The following RNF216 variants were observed in gnomAD, a reference collection of about 807,000 sequenced individuals.
The protein encoded by RNF216 is ring finger protein 216.
A neutral mutation model predicts 110.8 loss-of-function variants in RNF216; 72 were observed. The observed-to-expected ratio is 0.65, with a 90% CI of 0.54 to 0.79. The LOEUF is 0.79. Among genes scored for constraint, RNF216 ranks in the 30% least tolerant of loss-of-function variants. RNF216 has a pLI of 0.00. For synonymous variants in RNF216, 495 were observed against 407.5 expected, an observed-to-expected ratio of 1.21 and a Z score of -2.59; for missense variants, 1,342 against 1,141.2, an observed-to-expected ratio of 1.18 and a Z score of -2.54.
At chr7:5,630,344 T>TTC (rs1321473067) in intron 15 of RNF216, among the ~76,000 whole-genome samples, 1 of 152,082 alleles carries the variant, frequency 6.6e-6, no homozygotes, top group Non-Finnish European at 1.5e-5. Flanking sequence ...ACCCACTCCT[T>TTC]TCCAAAACAG....
rs1786340952 is a variant in RNF216 at position 5,621,235 on chromosome 7, C to T, written c.*1625G>A. On this transcript the variant is annotated 3_prime_UTR_variant, in exon 17 of 17. Coordinates refer to ENST00000389902, the MANE Select transcript of RNF216 (RefSeq NM_207111.4). ...TGTTGCTCAGGCTGGAGTGCAGTGGCACAATCTTGGCTCACTGCAACCTCT... is the reference window on the plus strand; with the variant it reads ...TGTTGCTCAGGCTGGAGTGCAGTGGTACAATCTTGGCTCACTGCAACCTCT... 1 of 150,404 alleles carries T rather than the reference C, an allele frequency of 6.6e-6. No individual in the cohort carries two copies. The highest frequency in any genetic ancestry group is 1.5e-5 in the Non-Finnish European group (1 of 67,930). 9.3% of individuals were successfully genotyped at this position (150,404 alleles called of 1,614,324 possible).
chr7:5,702,551 T>A (rs1160461815), intron 13 of RNF216, among the ~76,000 whole-genome samples: 1 of 152,092 alleles, frequency 6.6e-6, no homozygotes, highest in African/African-American at 2.4e-5. Context: ...GCAAGCAACA[T>A]TTGCCTTTTA....
intron 13 of RNF216, among the ~76,000 whole-genome samples, chr7:5,695,436 GGCT>G (rs1791565579): frequency 6.6e-6 from 1 of 152,160 alleles, no homozygotes; most frequent in Admixed American, 6.5e-5. Context: ...TTTTTCTTAT[GGCT>G]GCTGCTGCCT....
At chr7:5,704,539 T>C (rs1309894256) in intron 13 of RNF216, among the ~76,000 whole-genome samples, 1 of 152,252 alleles carries the variant, frequency 6.6e-6, no homozygotes, top group Non-Finnish European at 1.5e-5. Flanking sequence ...TTTGCTTTGG[T>C]ACTGAGCCCA....
rs1434592682 is a variant in RNF216 at position 5,653,573 on chromosome 7, C to T, written c.2062-1063G>A. 4.8e-4 allele frequency among the ~76,000 whole-genome samples: 64 copies of T among 132,204 alleles called. 1 individual carries two copies. Among genetic ancestry groups the T allele is most frequent in the Non-Finnish European group, 6.9e-4 (45 of 65,398 alleles). 86.7% of individuals were successfully genotyped at this position (132,204 alleles called of 152,430 possible). The stretch of plus-strand genomic sequence containing the variant: ...CCGAGATCGCGCCACTGCACTCCAG[C>T]CTGGGCGACAGAGCAAGACTCTGTC... On this transcript the variant is annotated intron_variant, in intron 13 of 16. Transcript: ENST00000389902.
chr7:5,663,649 G>A (rs555243626), intron 13 of RNF216, among the ~76,000 whole-genome samples: 2 of 146,826 alleles, frequency 1.4e-5, no homozygotes, highest in South Asian at 2.2e-4. Flanking sequence ...GCCTGTAATC[G>A]CAGCACTTTG....
chr7:5,711,401 A>G (rs1792679411), intron 13 of RNF216, among the ~76,000 whole-genome samples: 1 of 152,108 alleles, frequency 6.6e-6, no homozygotes, highest in South Asian at 2.1e-4. Flanking sequence ...GTGTGTGGGG[A>G]GGGAGGGGTA....
At chr7:5,730,633 C>T (rs1794030258) in intron 6 of RNF216, 82 bp downstream of exon 6, 1 of 1,592,720 alleles carries the variant, frequency 6.3e-7, no homozygotes, top group African/African-American at 1.4e-5. Flanking sequence ...CACTTTCTTC[C>T]CACAGAGATA....
chr7:5,691,709 C>T (rs1278837093), intron 13 of RNF216, among the ~76,000 whole-genome samples: 5 of 152,174 alleles, frequency 3.3e-5, no homozygotes, highest in Non-Finnish European at 4.4e-5. Flanking sequence ...TCTGGCCACC[C>T]GGCAGGGAGT....
chr7:5,761,653 G>C (rs111446120), intron 1 of RNF216, among the ~76,000 whole-genome samples: 1 of 152,238 alleles, frequency 6.6e-6, no homozygotes, highest in African/African-American at 2.4e-5. Flanking sequence ...GGGCGTGGTG[G>C]CACGTGCCTG....
intron 13 of RNF216, among the ~76,000 whole-genome samples, chr7:5,667,097 T>C (rs1373093818): frequency 2.6e-5 from 4 of 152,166 alleles, no homozygotes; most frequent in Non-Finnish European, 5.9e-5. Flanking sequence ...TGAGGCACTG[T>C]GCCTGGCCAG....
intron 13 of RNF216, among the ~76,000 whole-genome samples, chr7:5,653,767 G>A (rs1208469107): frequency 6.6e-6 from 1 of 152,124 alleles, no homozygotes; most frequent in Non-Finnish European, 1.5e-5. Context: ...AAGGCTTGAG[G>A]AAGTGAGGCC....
intron 8 of RNF216, among the ~76,000 whole-genome samples, chr7:5,725,070 C>A (rs574978063): frequency 7.9e-5 from 12 of 152,180 alleles, no homozygotes; most frequent in Non-Finnish European, 1.8e-4. Context: ...AATACCTTCT[C>A]ACACATGAAT....
chr7:5,780,091 C>T (rs1796997661), intron 1 of RNF216: 1 of 152,170 alleles, frequency 6.6e-6, no homozygotes, highest in Non-Finnish European at 1.5e-5. Flanking sequence ...TGATGTTTGG[C>T]TCCTAACCTC....
intron 1 of RNF216, among the ~76,000 whole-genome samples, chr7:5,771,879 A>G (rs1796514057): frequency 6.6e-6 from 1 of 152,180 alleles, no homozygotes; most frequent in African/African-American, 2.4e-5. Flanking sequence ...AGGAAACGCA[A>G]AAGGCCAATA....
intron 13 of RNF216, among the ~76,000 whole-genome samples, chr7:5,702,813 T>C (rs1441597674): frequency 6.6e-6 from 1 of 152,226 alleles, no homozygotes; most frequent in Non-Finnish European, 1.5e-5. Context: ...GCCTCCTTGC[T>C]ATGACGCCAG....
chr7:5,634,215 C>T (rs192564722), intron 15 of RNF216, among the ~76,000 whole-genome samples: 5 of 147,696 alleles, frequency 3.4e-5, no homozygotes, highest in African/African-American at 9.8e-5. Context: ...GGGGGAAGAA[C>T]GGGTGGCTTT....
Position 5,732,765 on chromosome 7 carries a change from C to G in RNF216, c.1122-1948G>C, listed in dbSNP as rs561483601. ...GGGCAAAAGCAGTGGGGAAGCCTGT[C>G]GGACTTCAATCTGCCCACCTCTTCA... On this transcript the variant is annotated intron_variant, in intron 5 of 16. Transcript: ENST00000389902. 3.3e-5 allele frequency among the ~76,000 whole-genome samples: 5 copies of G among 152,328 alleles called. No homozygotes were observed. In the South Asian group the frequency reaches 1.0e-3, roughly 32 times the overall value.
intron 13 of RNF216, among the ~76,000 whole-genome samples, chr7:5,697,587 C>G (rs1239086697): frequency 2.6e-5 from 4 of 152,146 alleles, no homozygotes; most frequent in Admixed American, 6.5e-5. Context: ...GCTATGTTGT[C>G]CAGGCTGGCC....
Sources: gnomAD v4.1 joint callset for allele counts (sites outside exome capture counted in the v4.1 genomes callset) on GRCh38, gnomAD v4.1.1 for gene constraint, MANE v1.5 for transcripts, NCBI Gene and HGNC (gene_info 2026-07-23, HGNC 2026-07-21) for gene names.